The following NUDC variants were observed in gnomAD, a reference collection of about 807,000 sequenced individuals.
NUDC encodes nuclear distribution C, dynein complex regulator, also known as nuclear migration protein nudC.
Under a neutral mutation model 45.0 loss-of-function variants are expected in NUDC, and 14 were observed. The observed-to-expected ratio is 0.31, with a 90% CI of 0.21 to 0.49. The LOEUF is 0.49. Ranked by LOEUF, NUDC falls within the 20% of genes least tolerant of loss-of-function variation. The pLI is 0.99. For missense variants in NUDC, 323 were observed against 426.2 expected, an observed-to-expected ratio of 0.76 and a Z score of 2.13; for synonymous variants, 153 against 156.7, an observed-to-expected ratio of 0.98 and a Z score of 0.17.
chr1:26,920,131 G>A (rs1433868609), upstream of NUDC, among the ~76,000 whole-genome samples: 2 of 152,208 alleles, frequency 1.3e-5, no homozygotes, highest in Non-Finnish European at 2.9e-5. Context: ...AGTTGAGTAA[G>A]ATAATAGTGG....
chr1:26,926,210 A>C (rs1319164167), intron 2 of NUDC, among the ~76,000 whole-genome samples: 1 of 152,050 alleles, frequency 6.6e-6, no homozygotes, highest in East Asian at 1.9e-4. Flanking sequence ...CATAAACAAG[A>C]GACATAATAA....
chr1:26,942,875 C>G lies in NUDC; in HGVS notation c.551C>G (p.Ala184Gly). The G allele has an allele frequency of 1.2e-6, 2 of 1,613,704 alleles. No individual in the cohort carries two copies. Among genetic ancestry groups the G allele is most frequent in the Non-Finnish European group, 1.7e-6 (2 of 1,180,024 alleles). The change falls in exon 6 of 9, where the codon GCG becomes GGG. Residue 184 changes from alanine (A) to glycine (G), a missense_variant. Ala to Gly is a moderately conservative substitution (Grantham distance 60). Coordinates refer to ENST00000321265, the MANE Select transcript of NUDC (RefSeq NM_006600.4). ...GACTGCCTCTGCCCTATGCAGCTGG[C>G]GGTCCCTTTCTGTGTGAACTTCCGG... ...WTQTLSELDL[A>G]VPFCVNFRLK...
At chr1:26,905,072 A>G (rs1339294177) in intron 2 of NUDC, among the ~76,000 whole-genome samples, 1 of 149,670 alleles carries the variant, frequency 6.7e-6, no homozygotes, top group Non-Finnish European at 1.5e-5. Context: ...CCTGACCCTT[A>G]GATGATCCGC....
chr1:26,940,840 C>T (rs369860698), intron 2 of NUDC, among the ~76,000 whole-genome samples: 6 of 152,128 alleles, frequency 3.9e-5, no homozygotes, highest in East Asian at 3.9e-4. Flanking sequence ...CGCACGCCAC[C>T]GCGCCTGGCT....
intron 1 of NUDC, among the ~76,000 whole-genome samples, chr1:26,923,814 A>G (rs189278590): frequency 6.6e-6 from 1 of 152,180 alleles, no homozygotes; most frequent in African/African-American, 2.4e-5. Flanking sequence ...CAGGCTTTTC[A>G]TGCCCTGGAT....
intron 1 of NUDC, among the ~76,000 whole-genome samples, chr1:26,900,928 C>A (rs2081975885): frequency 6.6e-6 from 1 of 152,168 alleles, no homozygotes; most frequent in Admixed American, 6.5e-5. Context: ...CTATGAGTTA[C>A]TAGAGGCTTA....
chr1:26,919,487 AACTTGTTTCTTTC>A (rs1472808563), upstream of NUDC, among the ~76,000 whole-genome samples: 3 of 152,146 alleles, frequency 2.0e-5, no homozygotes, highest in Admixed American at 1.3e-4. Flanking sequence ...TCCACACATA[AACTTGTTTCTTTC>A]ACTGCTCACA....
At chr1:26,928,475 G>A (rs1570729262) in intron 2 of NUDC, among the ~76,000 whole-genome samples, 3 of 152,342 alleles carry the variant, frequency 2.0e-5, no homozygotes, top group Middle Eastern at 3.4e-3. Context: ...ACCAGATTAT[G>A]AGAAAATATG....
chr1:26,919,483 C>A (rs910569939), upstream of NUDC, among the ~76,000 whole-genome samples: 5 of 152,232 alleles, frequency 3.3e-5, no homozygotes, highest in Admixed American at 3.3e-4. Flanking sequence ...TTGTTCCACA[C>A]ATAAACTTGT....
At chr1:26,912,404 T>C (rs1040802800) in intron 3 of NUDC, among the ~76,000 whole-genome samples, 11 of 152,148 alleles carry the variant, frequency 7.2e-5, no homozygotes, top group Non-Finnish European at 1.2e-4. Flanking sequence ...AGTTTCTTTA[T>C]CTGTAAAACG....
chr1:26,906,483 A>G (rs2082003479), intron 2 of NUDC, among the ~76,000 whole-genome samples: 1 of 152,106 alleles, frequency 6.6e-6, no homozygotes, highest in African/African-American at 2.4e-5. Context: ...AGATAATGAT[A>G]GTACTTCCAG....
At chr1:26,943,222 C>T (rs2082293278) in intron 6 of NUDC, among the ~76,000 whole-genome samples, 157 bp downstream of exon 6, 1 of 152,086 alleles carries the variant, frequency 6.6e-6, no homozygotes, top group East Asian at 1.9e-4. Context: ...ATTTTATTTT[C>T]TTAAAGACAA....
intron 2 of NUDC, among the ~76,000 whole-genome samples, chr1:26,934,893 G>A (rs1304191610): frequency 2.0e-5 from 3 of 152,046 alleles, no homozygotes; most frequent in Non-Finnish European, 2.9e-5. Context: ...TCCTGGCCTC[G>A]TGATCCACTT....
At chr1:26,906,356 TGA>T (rs960246084) in intron 2 of NUDC, among the ~76,000 whole-genome samples, 26 of 150,548 alleles carry the variant, frequency 1.7e-4, no homozygotes, top group African/African-American at 5.9e-4. Flanking sequence ...CTCGGGAAAC[TGA>T]GGCACAAGAA....
chr1:26,921,345 G>A (rs1198393473), upstream of NUDC, among the ~76,000 whole-genome samples: 2 of 152,216 alleles, frequency 1.3e-5, no homozygotes, highest in African/African-American at 4.8e-5. Context: ...GGTCGATGAG[G>A]AGGAGGCTGT....
intron 2 of NUDC, among the ~76,000 whole-genome samples, chr1:26,939,945 G>T (rs1279027116): frequency 6.6e-6 from 1 of 152,216 alleles, no homozygotes; most frequent in Non-Finnish European, 1.5e-5. Flanking sequence ...AGTCAAAGTT[G>T]TTCACTTGTC....
chr1:26,942,377 C>T (rs544471888), intron 4 of NUDC, among the ~76,000 whole-genome samples: 2 of 152,322 alleles, frequency 1.3e-5, no homozygotes, highest in African/African-American at 4.8e-5. Context: ...TATTACAGGT[C>T]CCATCTGAGG....
chr1:26,940,901 T>A (rs1185042590), intron 2 of NUDC, among the ~76,000 whole-genome samples: 1 of 151,798 alleles, frequency 6.6e-6, no homozygotes, highest in Middle Eastern at 3.2e-3. Flanking sequence ...TTGGCCAGAT[T>A]AGTCTCCAAT....
chr1:26,946,001 C>T, intron 8 of NUDC, 129 bp from the exon 9 acceptor site: 3 of 908,156 alleles, frequency 3.3e-6, no homozygotes, highest in Non-Finnish European at 5.5e-6. Context: ...ACCCTGGGCC[C>T]TGCTCCTGCC....
Sources: gnomAD v4.1 joint callset for allele counts (sites outside exome capture counted in the v4.1 genomes callset) on GRCh38, gnomAD v4.1.1 for gene constraint, MANE v1.5 for transcripts, NCBI Gene and HGNC (gene_info 2026-07-23, HGNC 2026-07-21) for gene names.